Variants in NLGN1 observed in about 807,000 individuals in gnomAD.
NLGN1 encodes neuroligin 1, also known as neuroligin-1.
NLGN1 carries 12 observed loss-of-function variants against 65.5 expected under a neutral mutation model. The ratio of observed to expected loss-of-function variants is 0.18; its 90% CI spans 0.12 to 0.30. The LOEUF is 0.30. Ranked by LOEUF, NLGN1 falls within the 10% of genes least tolerant of loss-of-function variation. The probability of loss-of-function intolerance (pLI) is 1.00; values close to 1 mark genes in which losing one functional copy is unlikely to be tolerated. For missense variants in NLGN1, 750 were observed against 1,007.1 expected (o/e 0.74, Z 3.46); for synonymous variants, 350 against 359.5 (o/e 0.97, Z 0.30).
chr3:173,684,691 TTTTG>T (rs1209535526), intron 3 of NLGN1, among the ~76,000 whole-genome samples: 7 of 152,206 alleles, frequency 4.6e-5, no homozygotes, highest in African/African-American at 1.7e-4. Flanking sequence ...TGTTCACTTT[TTTTG>T]TTTGTGTTCA....
rs867022715 is a variant in NLGN1 at position 173,747,087 on chromosome 3, C to A, written c.494-60593C>A. On this transcript the variant is annotated intron_variant, in intron 3 of 6. Transcript: ENST00000457714. ...ACACACACACACACACACACACACA[C>A]ACACAAACACACACGTGTGTATACC... Among the ~76,000 whole-genome samples the A allele has an allele frequency of 5.4e-5, 8 of 146,980 alleles. No individual in the cohort carries two copies. In the South Asian group the frequency reaches 1.1e-3, roughly 20 times the overall value.
At chr3:174,285,076 A>G (rs1436246987) in exon 7 of NLGN1, 1 of 151,412 alleles carries the variant, frequency 6.6e-6, no homozygotes, top group African/African-American at 2.4e-5. Context: ...ACGTATTAAT[A>G]TCAAAAAATG....
intron 4 of NLGN1, among the ~76,000 whole-genome samples, chr3:174,242,753 A>T (rs575965643): frequency 5.7e-4 from 87 of 152,258 alleles, no homozygotes; most frequent in Non-Finnish European, 1.1e-3. Flanking sequence ...CAATAATAGA[A>T]ATAAAGTGCG....
intron 1 of NLGN1, among the ~76,000 whole-genome samples, chr3:173,403,597 G>A (rs1435473120): frequency 6.6e-6 from 1 of 152,090 alleles, no homozygotes; most frequent in African/African-American, 2.4e-5. Flanking sequence ...TGAACATTAT[G>A]ACTCATTTTT....
intron 2 of NLGN1, among the ~76,000 whole-genome samples, chr3:173,488,114 C>A (rs1179049214): frequency 6.6e-6 from 1 of 151,456 alleles, no homozygotes; most frequent in East Asian, 1.9e-4. Flanking sequence ...TTAGTGTTAA[C>A]ATTAGATTTT....
chr3:174,079,585 A>G (rs1178522040), intron 4 of NLGN1, among the ~76,000 whole-genome samples: 2 of 152,142 alleles, frequency 1.3e-5, no homozygotes, highest in African/African-American at 4.8e-5. Context: ...AAAGACATGC[A>G]TATGTTCATT....
At chr3:174,169,186 A>T (rs2152730942) in intron 4 of NLGN1, among the ~76,000 whole-genome samples, 1 of 152,152 alleles carries the variant, frequency 6.6e-6, no homozygotes, top group East Asian at 2.0e-4. Context: ...ATTGCTGAGC[A>T]TGTAGCAGAG....
At position 173,526,480 on chromosome 3, in the gene NLGN1, A is replaced by C. The variant is rs117969835; in HGVS notation, c.-320-77799A>C. Among the ~76,000 whole-genome samples, 855 of 152,276 alleles carry C rather than the reference A, an allele frequency of 5.6e-3. 24 individuals are homozygous for C. In the South Asian group the frequency reaches 0.065, roughly 12 times the overall value. ...AAAATGTTTAAATTGTTGTGGGTAC[A>C]TATTAGGTGTACATATTTATGGGTT... On this transcript the variant is annotated intron_variant, in intron 2 of 6. Transcript: ENST00000457714.
intron 4 of NLGN1, among the ~76,000 whole-genome samples, chr3:173,977,603 C>T (rs1027746492): frequency 1.3e-5 from 2 of 151,838 alleles, no homozygotes; most frequent in Admixed American, 1.3e-4. Flanking sequence ...CTTCAACAAG[C>T]CGGCTTGTGA....
intron 3 of NLGN1, among the ~76,000 whole-genome samples, chr3:173,785,329 A>T (rs967965951): frequency 6.6e-6 from 1 of 152,158 alleles, no homozygotes; most frequent in Non-Finnish European, 1.5e-5. Flanking sequence ...TTCCCCATCA[A>T]TATATCTTGA....
chr3:173,909,902 T>G (rs1432941913), intron 4 of NLGN1, among the ~76,000 whole-genome samples: 3 of 152,162 alleles, frequency 2.0e-5, no homozygotes. Flanking sequence ...GGTCTCAAAC[T>G]CCTGACCTTA....
Position 174,117,461 on chromosome 3 carries a change from C to CA in NLGN1, c.647-157844dup, listed in dbSNP as rs956109167. On this transcript the variant is annotated intron_variant, in intron 4 of 6. Coordinates refer to ENST00000457714, the Ensembl canonical transcript of NLGN1. ...GAAACCTCGTCTCTACTAAAAAATA[C>CA]AAAAAAAAAATTAGCCAGGCGCAGT... 5.1e-4 allele frequency among the ~76,000 whole-genome samples: 75 copies of CA among 148,320 alleles called. No homozygotes were observed. The South Asian group carries it at 0.01, about 21-fold the overall frequency.
chr3:173,706,712 C>T (rs1180449196), intron 3 of NLGN1, among the ~76,000 whole-genome samples: 1 of 152,162 alleles, frequency 6.6e-6, no homozygotes, highest in Non-Finnish European at 1.5e-5. Flanking sequence ...AGATATCGAT[C>T]TACAGATATG....
chr3:173,656,941 C>CA (rs1264331506), intron 3 of NLGN1, among the ~76,000 whole-genome samples: 3 of 151,972 alleles, frequency 2.0e-5, no homozygotes, highest in Non-Finnish European at 2.9e-5. Flanking sequence ...TTCCTCATCT[C>CA]AAAGACGAGG....
intron 3 of NLGN1, among the ~76,000 whole-genome samples, chr3:173,641,442 G>A (rs1249003678): frequency 7.2e-5 from 11 of 152,120 alleles, no homozygotes; most frequent in African/African-American, 2.2e-4. Context: ...TTACAGGCGT[G>A]TGTGCCACCA....
chr3:174,141,543 A>G (rs1722274855), intron 4 of NLGN1, among the ~76,000 whole-genome samples: 4 of 152,210 alleles, frequency 2.6e-5, no homozygotes, highest in Admixed American at 2.6e-4. Context: ...TAAGATACTT[A>G]AGGAAAAGAT....
At chr3:173,958,105 T>C (rs1404483960) in intron 4 of NLGN1, among the ~76,000 whole-genome samples, 1 of 152,156 alleles carries the variant, frequency 6.6e-6, no homozygotes, top group African/African-American at 2.4e-5. Context: ...CAGCCCTGGC[T>C]TGGGGAGCTC....
At chr3:173,448,326 A>G (rs1463907960) in intron 2 of NLGN1, among the ~76,000 whole-genome samples, 3 of 151,874 alleles carry the variant, frequency 2.0e-5, no homozygotes, top group Admixed American at 6.6e-5. Flanking sequence ...TAATCATGTG[A>G]TTTTTGTCTT....
chr3:174,208,711 C>T (rs145896021), intron 4 of NLGN1, among the ~76,000 whole-genome samples: 61 of 151,342 alleles, frequency 4.0e-4, no homozygotes, highest in African/African-American at 1.3e-3. Context: ...TCATGAGGCC[C>T]AGAAGGTAAA....
Sources: gnomAD v4.1 joint callset for allele counts (sites outside exome capture counted in the v4.1 genomes callset) on GRCh38, gnomAD v4.1.1 for gene constraint, MANE v1.5 for transcripts, NCBI Gene and HGNC (gene_info 2026-07-23, HGNC 2026-07-21) for gene names.